Variants in PCDH15 observed in about 807,000 individuals in gnomAD.
The protein encoded by PCDH15 is protocadherin-15.
A neutral mutation model predicts 178.5 loss-of-function variants in PCDH15; 129 were observed. That is an observed-to-expected ratio of 0.72 (90% CI 0.63 to 0.84). The LOEUF (loss-of-function observed/expected upper bound fraction) is 0.84. Ranked by LOEUF, PCDH15 falls within the 40% of genes least tolerant of loss-of-function variation. PCDH15 has a pLI of 0.00. For synonymous variants in PCDH15, 800 were observed against 732.0 expected, an observed-to-expected ratio of 1.09 and a Z score of -1.50; for missense variants, 2,230 against 2,099.9, an observed-to-expected ratio of 1.06 and a Z score of -1.21.
intron 2 of PCDH15, among the ~76,000 whole-genome samples, chr10:55,467,916 G>A (rs1839867078): frequency 1.6e-5 from 2 of 127,806 alleles, no homozygotes; most frequent in African/African-American, 3.0e-5. Flanking sequence ...ACAGTAAGCC[G>A]AGATCGCGCC....
At chr10:54,420,671 A>G (rs1046600817) in intron 3 of PCDH15, among the ~76,000 whole-genome samples, 1 of 152,064 alleles carries the variant, frequency 6.6e-6, no homozygotes, top group Non-Finnish European at 1.5e-5. Flanking sequence ...CAGAAATGAA[A>G]GCAAAGGGGA....
At chr10:55,520,161 G>C (rs1364391772) in intron 2 of PCDH15, among the ~76,000 whole-genome samples, 1 of 82,596 alleles carries the variant, frequency 1.2e-5, no homozygotes, top group Non-Finnish European at 2.3e-5. Context: ...CACGCAATGT[G>C]TATATATATA....
chr10:54,187,381 G>C (rs577810100), intron 11 of PCDH15, among the ~76,000 whole-genome samples: 2 of 151,866 alleles, frequency 1.3e-5, no homozygotes, highest in Admixed American at 1.3e-4. Context: ...TAAGTATTGA[G>C]TTGTCAACTA....
intron 2 of PCDH15, among the ~76,000 whole-genome samples, chr10:55,504,298 C>T (rs1253263582): frequency 6.6e-6 from 1 of 151,316 alleles, no homozygotes; most frequent in Admixed American, 6.6e-5. Context: ...CATGAGAAAT[C>T]TCAATTTTGC....
chr10:53,905,224 CGT>C (rs1037792421), intron 25 of PCDH15: 2 of 518,744 alleles, frequency 3.9e-6, no homozygotes, highest in Non-Finnish European at 7.7e-6. Context: ...GCTCCCCTGT[CGT>C]GTCTTTCTAA....
chr10:54,556,483 T>C (rs529775178), intron 2 of PCDH15, among the ~76,000 whole-genome samples: 4 of 152,244 alleles, frequency 2.6e-5, no homozygotes, highest in African/African-American at 7.2e-5. Flanking sequence ...AGAAAGTATA[T>C]AATGTGTTCA....
chr10:55,290,996 G>A (rs1182705911), intron 1 of PCDH15, among the ~76,000 whole-genome samples: 1 of 152,070 alleles, frequency 6.6e-6, no homozygotes, highest in African/African-American at 2.4e-5. Flanking sequence ...AAATGTGTAA[G>A]TAGTGATCTT....
chr10:54,016,057 T>C (rs2092730552), intron 20 of PCDH15, among the ~76,000 whole-genome samples: 1 of 151,924 alleles, frequency 6.6e-6, no homozygotes. Flanking sequence ...TATAAGGAAC[T>C]TACAAATCAA....
At chr10:54,939,417 C>T (rs552034630) in intron 2 of PCDH15, among the ~76,000 whole-genome samples, 7 of 140,372 alleles carry the variant, frequency 5.0e-5, no homozygotes, top group Non-Finnish European at 1.1e-4. Flanking sequence ...ATGGCATGAA[C>T]CCGGGAGGCG....
chr10:54,523,555 A>T (rs1464894380), intron 3 of PCDH15, among the ~76,000 whole-genome samples: 1 of 152,174 alleles, frequency 6.6e-6, no homozygotes, highest in Non-Finnish European at 1.5e-5. Flanking sequence ...AAATCACATG[A>T]CATACTTACA....
chr10:55,148,146 C>A (rs967671782), intron 2 of PCDH15, among the ~76,000 whole-genome samples: 1 of 151,778 alleles, frequency 6.6e-6, no homozygotes, highest in Non-Finnish European at 1.5e-5. Flanking sequence ...TCACATAGTA[C>A]TGAAAATGCT....
At chr10:54,603,622 G>T (rs1402628124) in intron 2 of PCDH15, among the ~76,000 whole-genome samples, 2 of 151,808 alleles carry the variant, frequency 1.3e-5, no homozygotes, top group African/African-American at 4.8e-5. Flanking sequence ...TATACTATAG[G>T]TAAGGAGAAT....
intron 1 of PCDH15, among the ~76,000 whole-genome samples, chr10:54,694,885 A>G (rs1404477567): frequency 6.6e-6 from 1 of 152,246 alleles, no homozygotes; most frequent in Non-Finnish European, 1.5e-5. Flanking sequence ...AAAAATAAAT[A>G]AGCTTAGTGA....
At chr10:55,504,818 A>G (rs1840727711) in intron 2 of PCDH15, among the ~76,000 whole-genome samples, 1 of 151,450 alleles carries the variant, frequency 6.6e-6, no homozygotes, top group Non-Finnish European at 1.5e-5. Flanking sequence ...GAAAATAAAT[A>G]CATAGATATA....
intron 29 of PCDH15, among the ~76,000 whole-genome samples, chr10:53,836,729 A>G (rs1042429977): frequency 9.2e-5 from 14 of 152,230 alleles, no homozygotes; most frequent in African/African-American, 3.1e-4. Context: ...TCTGGCATTC[A>G]ATCAAGTAGG....
At chr10:55,228,484 T>A (rs1841118206) in intron 1 of PCDH15, among the ~76,000 whole-genome samples, 2 of 152,052 alleles carry the variant, frequency 1.3e-5, no homozygotes, top group Admixed American at 6.5e-5. Flanking sequence ...TGAAAAAAAT[T>A]AAACGAAATA....
chr10:54,512,538 T>A (rs1371080169), intron 3 of PCDH15, among the ~76,000 whole-genome samples: 1 of 152,104 alleles, frequency 6.6e-6, no homozygotes, highest in Non-Finnish European at 1.5e-5. Context: ...AGTTACTACT[T>A]CTGAAAATTT....
At chr10:54,864,181 G>T (rs1953895843) in intron 3 of PCDH15, among the ~76,000 whole-genome samples, 2 of 152,100 alleles carry the variant, frequency 1.3e-5, no homozygotes, top group Non-Finnish European at 2.9e-5. Context: ...GGCATATATG[G>T]TGTAAACACA....
intron 21 of PCDH15, among the ~76,000 whole-genome samples, chr10:53,993,098 G>A (rs1280257930): frequency 6.6e-6 from 1 of 152,134 alleles, no homozygotes; most frequent in Non-Finnish European, 1.5e-5. Context: ...AATTATTATT[G>A]CTTAATAATA....
Sources: allele counts gnomAD v4.1 joint callset (sites outside exome capture counted in the v4.1 genomes callset), GRCh38; gene constraint gnomAD v4.1.1; transcripts MANE v1.5; gene names NCBI Gene and HGNC (gene_info 2026-07-23, HGNC 2026-07-21).